Variants in MAML3 observed in about 807,000 individuals in gnomAD.
The protein encoded by MAML3 is mastermind-like protein 3.
In MAML3, 27 loss-of-function variants were observed where a neutral mutation model predicts 101.9. The observed-to-expected ratio is 0.27, with a 90% CI of 0.20 to 0.37. The LOEUF is 0.37. Among genes scored for constraint, MAML3 ranks in the 10% least tolerant of loss-of-function variants. MAML3 has a pLI of 1.00. For missense variants in MAML3, 1,316 were observed against 1,444.9 expected (o/e 0.91, Z 1.45); for synonymous variants, 501 against 555.9 (o/e 0.90, Z 1.39).
intron 2 of MAML3, among the ~76,000 whole-genome samples, chr4:139,784,030 T>C (rs1377112064): frequency 6.6e-6 from 1 of 152,210 alleles, no homozygotes; most frequent in African/African-American, 2.4e-5. Context: ...GAGCCACAGA[T>C]ATTAAAATGC....
rs561847268 is a variant in MAML3, at chr4:139,962,681, C to G, written c.469-71714G>C. ...TTGCAACTTCTCTGTAAATCTAAAA[C>G]TGTTCTAAAATTAAAACTTTAATTT... On this transcript the variant is annotated intron_variant, in intron 1 of 4. Coordinates refer to ENST00000509479, the MANE Select transcript of MAML3 (RefSeq NM_018717.5). 2.6e-5 allele frequency among the ~76,000 whole-genome samples: 4 copies of G among 152,266 alleles called. No individual in the cohort carries two copies. In the South Asian group the frequency reaches 8.3e-4, roughly 32 times the overall value.
intron 4 of MAML3, 71 bp from the exon 5 acceptor site, chr4:139,720,394 AT>A (rs1238252492): frequency 2.9e-6 from 4 of 1,395,964 alleles, no homozygotes; most frequent in Non-Finnish European, 3.8e-6. Flanking sequence ...AGATGTTGGA[AT>A]TTTCTTTGGG....
At chr4:139,857,412 T>C (rs997338888) in intron 2 of MAML3, among the ~76,000 whole-genome samples, 22 of 152,190 alleles carry the variant, frequency 1.4e-4, no homozygotes, top group East Asian at 1.9e-4. Flanking sequence ...CAGATTCTGA[T>C]CTAGTGACTT....
intron 1 of MAML3, among the ~76,000 whole-genome samples, chr4:140,143,141 A>G (rs1405386349): frequency 1.3e-5 from 2 of 152,234 alleles, no homozygotes; most frequent in Non-Finnish European, 2.9e-5. Flanking sequence ...AACAAATACC[A>G]TTTCATAAAA....
chr4:139,972,474 C>T (rs923705855), intron 1 of MAML3, among the ~76,000 whole-genome samples: 2 of 152,332 alleles, frequency 1.3e-5, no homozygotes, highest in South Asian at 4.1e-4. Context: ...CTCAGAGATG[C>T]ATCACTCCAT....
chr4:139,780,670 A>C (rs1578597723), intron 2 of MAML3, among the ~76,000 whole-genome samples: 1 of 136,126 alleles, frequency 7.3e-6, no homozygotes, highest in Non-Finnish European at 1.5e-5. Context: ...TTGCTCTGTC[A>C]CCCAGGCTAG....
intron 1 of MAML3, among the ~76,000 whole-genome samples, chr4:140,068,906 T>G (rs1278146128): frequency 6.6e-6 from 1 of 152,200 alleles, no homozygotes; most frequent in African/African-American, 2.4e-5. Context: ...CTTTGTCTGG[T>G]TTCTATCTTC....
chr4:140,102,155 A>C (rs924336978), intron 1 of MAML3, among the ~76,000 whole-genome samples: 1 of 152,212 alleles, frequency 6.6e-6, no homozygotes, highest in Non-Finnish European at 1.5e-5. Flanking sequence ...GTGGGCATAA[A>C]TTCTCCATCT....
chr4:139,741,943 T>C (rs1457920209), intron 2 of MAML3, among the ~76,000 whole-genome samples: 1 of 152,108 alleles, frequency 6.6e-6, no homozygotes, highest in Non-Finnish European at 1.5e-5. Context: ...CTCCAAAAAA[T>C]AGAAATGGCT....
At position 139,717,359 on chromosome 4, in the gene MAML3, G is replaced by A. The variant is rs1312898854; in HGVS notation, c.*1964C>T. On this transcript the variant is annotated 3_prime_UTR_variant, in exon 5 of 5. Transcript: ENST00000509479. ...TCAGGAAAAGGTAATTATGTTTTGT[G>A]TCTTCTCATTTGTTTGTTTGCTTTT... 1 of 152,484 alleles carries A rather than the reference G, an allele frequency of 6.6e-6. No individual in the cohort carries two copies. Among genetic ancestry groups the A allele is most frequent in the Admixed American group, 6.5e-5 (1 of 15,280 alleles). The allele number at this position is 152,484 out of a possible 1,614,324, so 9.4% of individuals were successfully genotyped here. A position where few individuals can be genotyped will look rare whatever the true frequency, so the allele number is the denominator to read the frequency against.
chr4:139,741,631 C>A (rs1729167625), intron 2 of MAML3, among the ~76,000 whole-genome samples: 1 of 151,994 alleles, frequency 6.6e-6, no homozygotes, highest in Non-Finnish European at 1.5e-5. Context: ...CCTGTAGTCC[C>A]AATTACTCAG....
At chr4:140,054,168 G>A (rs1456827829) in intron 1 of MAML3, among the ~76,000 whole-genome samples, 1 of 151,998 alleles carries the variant, frequency 6.6e-6, no homozygotes, top group Non-Finnish European at 1.5e-5. Flanking sequence ...TCAGGAATTC[G>A]AGACCAGCCT....
chr4:140,006,781 G>A (rs1352862984), intron 1 of MAML3, among the ~76,000 whole-genome samples: 7 of 151,802 alleles, frequency 4.6e-5, no homozygotes, highest in East Asian at 1.9e-4. Flanking sequence ...TTCTATAGTC[G>A]TCTATCAAAT....
At chr4:139,874,321 A>G (rs1377708595) in intron 2 of MAML3, among the ~76,000 whole-genome samples, 4 of 152,138 alleles carry the variant, frequency 2.6e-5, no homozygotes, top group Non-Finnish European at 4.4e-5. Flanking sequence ...TAAAATATGA[A>G]AAATAAATAG....
At chr4:139,733,789 A>G (rs907323) in intron 2 of MAML3, among the ~76,000 whole-genome samples, 9,418 of 152,172 alleles carry the variant, frequency 0.062, 474 homozygotes, top group Admixed American at 0.14. Flanking sequence ...GGCTCAAGCA[A>G]TCTTCCTGCC....
chr4:139,798,609 A>G (rs554792965), intron 2 of MAML3, among the ~76,000 whole-genome samples: 10 of 152,308 alleles, frequency 6.6e-5, no homozygotes, highest in African/African-American at 2.2e-4. Flanking sequence ...TGCTCTCCCT[A>G]TGCAATTTAC....
intron 1 of MAML3, among the ~76,000 whole-genome samples, chr4:140,144,104 G>A (rs1168364878): frequency 2.0e-5 from 3 of 152,120 alleles, no homozygotes; most frequent in African/African-American, 7.2e-5. Flanking sequence ...GTAATCTCTT[G>A]TAGGATATTA....
chr4:139,737,679 A>T (rs992688633), intron 2 of MAML3, among the ~76,000 whole-genome samples: 1 of 152,240 alleles, frequency 6.6e-6, no homozygotes, highest in African/African-American at 2.4e-5. Context: ...GAAACAAAAT[A>T]AAATAAAACC....
chr4:139,935,090 T>G lies in MAML3; in HGVS notation c.469-44123A>C, dbSNP rs78516956. On this transcript the variant is annotated intron_variant, in intron 1 of 4. Transcript: ENST00000509479. ...CAATTAGAAGGTATTAATCATGCAT[T>G]TTACTGCTCTCCCCCTACTGCCTAT... Among the ~76,000 whole-genome samples the G allele has an allele frequency of 2.0e-3, 298 of 152,176 alleles. 10 individuals are homozygous for G. The East Asian group carries it at 0.053, about 27-fold the overall frequency.
Sources: gnomAD v4.1 joint callset for allele counts (sites outside exome capture counted in the v4.1 genomes callset) on GRCh38, gnomAD v4.1.1 for gene constraint, MANE v1.5 for transcripts, NCBI Gene and HGNC (gene_info 2026-07-23, HGNC 2026-07-21) for gene names.